Variants in MICU3 observed in about 807,000 individuals in gnomAD.
The protein encoded by MICU3 is calcium uptake protein 3, mitochondrial.
MICU3 carries 62 observed loss-of-function variants against 66.5 expected under a neutral mutation model. That is an observed-to-expected ratio of 0.93 (90% CI 0.76 to 1.15). MICU3 has a LOEUF of 1.15. MICU3 is among the 50% of genes most tolerant of loss of function. The probability of loss-of-function intolerance (pLI) is 0.00; values close to 1 mark genes in which losing one functional copy is unlikely to be tolerated. For missense variants in MICU3, 779 were observed against 664.4 expected (o/e 1.17, Z -1.90); for synonymous variants, 308 against 240.7 (o/e 1.28, Z -2.59).
intron 1 of MICU3, among the ~76,000 whole-genome samples, chr8:17,056,376 A>G (rs954906294): frequency 6.6e-6 from 1 of 152,156 alleles, no homozygotes; most frequent in African/African-American, 2.4e-5. Context: ...CATATGCTGC[A>G]TCTCCCATAC....
At chr8:17,111,868 G>T (rs772300204) in intron 11 of MICU3, among the ~76,000 whole-genome samples, 1 of 152,186 alleles carries the variant, frequency 6.6e-6, no homozygotes, top group Admixed American at 6.5e-5. Context: ...ATAAAGGAAA[G>T]AGGTTTAATT....
At chr8:17,137,048 T>C in the MICU3 span, among the ~76,000 whole-genome samples, 1 of 152,014 alleles carries the variant, frequency 6.6e-6, no homozygotes, top group South Asian at 2.1e-4. Context: ...TTGGCCAGGA[T>C]GGTCTTCATC....
At chr8:17,063,838 A>G (rs1025845095) in intron 1 of MICU3, among the ~76,000 whole-genome samples, 2 of 152,144 alleles carry the variant, frequency 1.3e-5, no homozygotes, top group African/African-American at 4.8e-5. Context: ...ATCACAAATC[A>G]CTTCTCCAAA....
intron 3 of MICU3, among the ~76,000 whole-genome samples, chr8:17,077,541 CT>C (rs1820559002): frequency 6.6e-6 from 1 of 152,110 alleles, no homozygotes; most frequent in African/African-American, 2.4e-5. Context: ...TTCAACTTAT[CT>C]GAAATTTTAG....
At chr8:17,065,518 G>C (rs1360764160) in intron 2 of MICU3, among the ~76,000 whole-genome samples, 1 of 152,122 alleles carries the variant, frequency 6.6e-6, no homozygotes, top group Non-Finnish European at 1.5e-5. Context: ...TTTAAAAGAT[G>C]AATGGACAAA....
At chr8:17,081,105 T>C (rs1821115381) in intron 4 of MICU3, among the ~76,000 whole-genome samples, 1 of 152,126 alleles carries the variant, frequency 6.6e-6, no homozygotes, top group Non-Finnish European at 1.5e-5. Flanking sequence ...CAGGATGCGA[T>C]GTACAGAAAG....
chr8:17,069,268 A>G (rs1819183980), intron 2 of MICU3, among the ~76,000 whole-genome samples: 1 of 152,138 alleles, frequency 6.6e-6, no homozygotes, highest in Admixed American at 6.6e-5. Flanking sequence ...GAACACTAGT[A>G]TAGCAAAGAT....
At chr8:17,072,668 T>A (rs7010844) in intron 3 of MICU3, among the ~76,000 whole-genome samples, 92,928 of 151,866 alleles carry the variant, frequency 0.61, 30,338 homozygotes, top group East Asian at 0.86. Context: ...TAAAAAAGAT[T>A]ATGGCTTAAT....
intron 1 of MICU3, among the ~76,000 whole-genome samples, chr8:17,033,201 G>A (rs1333803580): frequency 6.6e-6 from 1 of 152,208 alleles, no homozygotes; most frequent in African/African-American, 2.4e-5. Flanking sequence ...AGGAAGGCAT[G>A]TTGAAATACT....
At chr8:17,079,583 C>T (rs1319413520) in intron 4 of MICU3, among the ~76,000 whole-genome samples, 1 of 151,794 alleles carries the variant, frequency 6.6e-6, no homozygotes, top group South Asian at 2.1e-4. Flanking sequence ...CATTTTGTCA[C>T]CCAGGCGGGA....
chr8:17,076,477 A>G (rs1395135891), intron 3 of MICU3, among the ~76,000 whole-genome samples: 1 of 152,174 alleles, frequency 6.6e-6, no homozygotes, highest in Non-Finnish European at 1.5e-5. Flanking sequence ...TGCACTGATT[A>G]TCTGCTGGCA....
chr8:17,111,387 A>C (rs987311456), intron 11 of MICU3, among the ~76,000 whole-genome samples: 1 of 151,978 alleles, frequency 6.6e-6, no homozygotes, highest in Non-Finnish European at 1.5e-5. Context: ...CAGTGGCATG[A>C]TCATACTCAC....
At position 17,033,251 on chromosome 8, in the gene MICU3, C is replaced by T. The variant is rs898218305; in HGVS notation, c.381+5591C>T. The stretch of plus-strand genomic sequence containing the variant: ...ATAGGTCTCTTGTGGAAAGAGTTAG[C>T]GAAGTTGTGAATGCAGCGGAAAAGT... On this transcript the variant is annotated intron_variant, in intron 1 of 14. Transcript: ENST00000318063. Among the ~76,000 whole-genome samples, 5 of 152,050 alleles carry T rather than the reference C, an allele frequency of 3.3e-5. No individual in the cohort carries two copies. The East Asian group carries it at 5.8e-4, about 18-fold the overall frequency.
At chr8:17,040,435 G>C (rs1585186054) in intron 1 of MICU3, among the ~76,000 whole-genome samples, 1 of 151,834 alleles carries the variant, frequency 6.6e-6, no homozygotes, top group East Asian at 1.9e-4. Context: ...ATTTACATTG[G>C]ACTTTATGGA....
chr8:17,035,492 A>G (rs1395509679), intron 1 of MICU3, among the ~76,000 whole-genome samples: 3 of 152,338 alleles, frequency 2.0e-5, no homozygotes, highest in African/African-American at 7.2e-5. Flanking sequence ...TTGATCTCTA[A>G]TGGAGACGAG....
At chr8:17,090,417 A>G (rs554225112) in intron 7 of MICU3, 129 bp from the exon 8 acceptor site, 3 of 716,498 alleles carry the variant, frequency 4.2e-6, no homozygotes, top group Admixed American at 2.6e-5. Context: ...TGTGCTCTAT[A>G]TAAAATGTAG....
intron 5 of MICU3, among the ~76,000 whole-genome samples, chr8:17,082,856 A>C (rs1179118750): frequency 6.6e-6 from 1 of 152,152 alleles, no homozygotes; most frequent in Non-Finnish European, 1.5e-5. Flanking sequence ...TGTTACAGTA[A>C]GTTTTGAGAA....
At chr8:17,066,717 T>C (rs1170652041) in intron 2 of MICU3, among the ~76,000 whole-genome samples, 1 of 151,540 alleles carries the variant, frequency 6.6e-6, no homozygotes, top group African/African-American at 2.4e-5. Context: ...GCTAATTTTT[T>C]AAATTTTTTT....
At position 17,119,251 on chromosome 8, in the gene MICU3, T is replaced by C. The variant is rs1177886600; in HGVS notation, c.*476T>C. Among the ~76,000 whole-genome samples the C allele has an allele frequency of 2.0e-5, 3 of 152,200 alleles. No individual in the cohort carries two copies. In the East Asian group the frequency reaches 5.8e-4, roughly 29 times the overall value. The stretch of plus-strand genomic sequence containing the variant: ...GAAAACCAGAATTTAAGCTTCATTC[T>C]ATCTTATTCATTTATTACTTCCTAT... On this transcript the variant is annotated intron_variant, in intron 14 of 14. Coordinates refer to ENST00000318063, the MANE Select transcript of MICU3 (RefSeq NM_181723.3).
Sources: gnomAD v4.1 joint callset for allele counts (sites outside exome capture counted in the v4.1 genomes callset) on GRCh38, gnomAD v4.1.1 for gene constraint, MANE v1.5 for transcripts, NCBI Gene and HGNC (gene_info 2026-07-23, HGNC 2026-07-21) for gene names.